Variants in PACRG observed in about 807,000 individuals in gnomAD.
PACRG encodes the protein parkin coregulated.
PACRG carries 29 observed loss-of-function variants against 29.7 expected under a neutral mutation model. The ratio of observed to expected loss-of-function variants is 0.98; its 90% CI spans 0.73 to 1.33. PACRG has a LOEUF of 1.33. PACRG is among the 40% of genes most tolerant of loss of function. PACRG has a pLI of 0.00. For missense variants in PACRG, 279 were observed against 316.2 expected (o/e 0.88, Z 0.89); for synonymous variants, 116 against 118.7 (o/e 0.98, Z 0.15).
At chr6:163,195,994 ATCCCAGAGACCCCCTACGAGCTGGTTCCC>A (rs1483612029) in intron 4 of PACRG, among the ~76,000 whole-genome samples, 1 of 152,072 alleles carries the variant, frequency 6.6e-6, no homozygotes, top group African/African-American at 2.4e-5. Flanking sequence ...AGAAGCAGGG[ATCCCAGAGACCCCCTACGAGCTGGTTCCC>A]TCCCAGACCC....
chr6:162,927,720 C>G (rs775289279), intron 2 of PACRG, among the ~76,000 whole-genome samples: 1 of 152,030 alleles, frequency 6.6e-6, no homozygotes, highest in Non-Finnish European at 1.5e-5. Context: ...TTGATACGTG[C>G]AGCAAACCAC....
At chr6:163,016,609 T>C (rs1806133304) in intron 2 of PACRG, among the ~76,000 whole-genome samples, 2 of 152,086 alleles carry the variant, frequency 1.3e-5, no homozygotes, top group African/African-American at 2.4e-5. Context: ...CAAAGATGAA[T>C]ATGGGGTCGA....
intron 1 of PACRG, among the ~76,000 whole-genome samples, chr6:162,774,751 G>A (rs1182147560): frequency 3.3e-5 from 5 of 152,044 alleles, no homozygotes; most frequent in Admixed American, 6.5e-5. Flanking sequence ...AAATTTATCT[G>A]ATTAGTTAGT....
At chr6:163,225,129 T>A (rs1274097938) in intron 4 of PACRG, among the ~76,000 whole-genome samples, 2 of 152,184 alleles carry the variant, frequency 1.3e-5, no homozygotes, top group African/African-American at 4.8e-5. Flanking sequence ...GAGATGCAAA[T>A]TAAAACCATG....
chr6:163,003,771 C>G (rs935837463), intron 2 of PACRG, among the ~76,000 whole-genome samples: 3 of 152,116 alleles, frequency 2.0e-5, no homozygotes, highest in Non-Finnish European at 4.4e-5. Flanking sequence ...CTGCCTGCCA[C>G]CAGGTTAGGG....
intron 4 of PACRG, among the ~76,000 whole-genome samples, chr6:163,136,831 C>T (rs1180348325): frequency 2.0e-5 from 3 of 152,096 alleles, no homozygotes; most frequent in East Asian, 3.8e-4. Flanking sequence ...GAATCATATG[C>T]GATGAATAAA....
At chr6:163,150,070 C>G (rs1265044770) in intron 4 of PACRG, among the ~76,000 whole-genome samples, 1 of 152,194 alleles carries the variant, frequency 6.6e-6, no homozygotes, top group South Asian at 2.1e-4. Flanking sequence ...TGCTAGTCCT[C>G]TCCCTGGCCC....
intron 2 of PACRG, among the ~76,000 whole-genome samples, chr6:162,868,704 C>T (rs9365502): frequency 6.6e-6 from 1 of 152,040 alleles, no homozygotes; most frequent in South Asian, 2.1e-4. Context: ...GAGGAGAATA[C>T]GCAACTCCTT....
In PACRG at chr6:162,971,054, A is replaced by AT. The variant is rs1801490104; in HGVS notation, c.292-91095dup. Among the ~76,000 whole-genome samples, 4 of 152,252 alleles carry AT rather than the reference A, an allele frequency of 2.6e-5. No homozygotes were observed. The South Asian group carries it at 8.3e-4, about 31-fold the overall frequency. On this transcript the variant is annotated intron_variant, in intron 2 of 4. Transcript: ENST00000366888. ...CACAGCTGTTTTGCAATTTCACGTT[A>AT]TAGTGACAGCTTCCATAATACAAAT...
At chr6:162,822,931 GTTA>G (rs1360057293) in intron 2 of PACRG, among the ~76,000 whole-genome samples, 11 of 151,914 alleles carry the variant, frequency 7.2e-5, no homozygotes, top group Non-Finnish European at 1.2e-4. Context: ...TATAACATAT[GTTA>G]TTATGTTATG....
chr6:162,752,546 C>A (rs1290085267), intron 1 of PACRG, among the ~76,000 whole-genome samples: 1 of 152,070 alleles, frequency 6.6e-6, no homozygotes, highest in East Asian at 1.9e-4. Context: ...AAAATATTCC[C>A]AAAGCCCCAC....
chr6:162,966,565 C>T (rs1197276676), intron 2 of PACRG, among the ~76,000 whole-genome samples: 7 of 150,282 alleles, frequency 4.7e-5, no homozygotes, highest in Non-Finnish European at 8.9e-5. Flanking sequence ...CAAGCTCCGC[C>T]TCCCGGGTTC....
chr6:163,181,996 C>T (rs1048418267), intron 4 of PACRG, among the ~76,000 whole-genome samples: 2 of 152,212 alleles, frequency 1.3e-5, no homozygotes, highest in African/African-American at 4.8e-5. Flanking sequence ...CAATCACTTC[C>T]GATCCTAATA....
chr6:163,104,352 T>A (rs1490290406), intron 4 of PACRG, among the ~76,000 whole-genome samples: 1 of 152,200 alleles, frequency 6.6e-6, no homozygotes, highest in African/African-American at 2.4e-5. Context: ...CCAAATTCCT[T>A]CTCAGAGTTA....
intron 4 of PACRG, among the ~76,000 whole-genome samples, chr6:163,181,047 G>A (rs984556436): frequency 6.6e-6 from 1 of 152,142 alleles, no homozygotes; most frequent in African/African-American, 2.4e-5. Flanking sequence ...AACTCTTCAG[G>A]TTAACAGCCT....
intron 1 of PACRG, among the ~76,000 whole-genome samples, chr6:162,756,661 G>GT (rs1265196127): frequency 1.3e-5 from 2 of 151,990 alleles, no homozygotes; most frequent in Non-Finnish European, 2.9e-5. Flanking sequence ...TTATTGCAAG[G>GT]TAAGGGCTTG....
chr6:163,019,435 G>A (rs182875841), intron 2 of PACRG, among the ~76,000 whole-genome samples: 11 of 152,228 alleles, frequency 7.2e-5, no homozygotes, highest in East Asian at 5.8e-4. Flanking sequence ...AGCTCCGCTC[G>A]ATTTGGATTT....
intron 2 of PACRG, among the ~76,000 whole-genome samples, chr6:162,936,771 G>T (rs1390395463): frequency 2.6e-5 from 4 of 151,666 alleles, no homozygotes; most frequent in Non-Finnish European, 1.5e-5. Context: ...TAATTCATTT[G>T]AAAAGTATAT....
intron 2 of PACRG, among the ~76,000 whole-genome samples, chr6:162,883,798 TTCCACATA>T (rs1181854370): frequency 2.4e-4 from 37 of 151,988 alleles, no homozygotes; most frequent in African/African-American, 8.7e-4. Context: ...GAAATCCACA[TTCCACATA>T]GAACTTTTGA....
Sources: allele counts gnomAD v4.1 joint callset (sites outside exome capture counted in the v4.1 genomes callset), GRCh38; gene constraint gnomAD v4.1.1; transcripts MANE v1.5; gene names NCBI Gene and HGNC (gene_info 2026-07-23, HGNC 2026-07-21).